Variants in ZNF207 observed in about 807,000 individuals in gnomAD.
The protein encoded by ZNF207 is BUB3-interacting and GLEBS motif-containing protein ZNF207.
Under a neutral mutation model 60.2 loss-of-function variants are expected in ZNF207, and 24 were observed. The ratio of observed to expected loss-of-function variants is 0.40; its 90% confidence interval spans 0.29 to 0.56. The LOEUF (loss-of-function observed/expected upper bound fraction) is 0.56, where lower values mean the gene tolerates loss of function less well. Among genes scored for constraint, ZNF207 ranks in the 20% least tolerant of loss-of-function variants. The pLI, the probability that ZNF207 is intolerant of heterozygous loss-of-function variation, is 0.49. For synonymous variants in ZNF207, 236 were observed against 194.7 expected (o/e 1.21, Z -1.77); for missense variants, 452 against 636.6 (o/e 0.71, Z 3.12).
At position 32,369,846 on chromosome 17, in the gene ZNF207, C is replaced by G; in HGVS notation, c.*87C>G. On this transcript the variant is annotated 3_prime_UTR_variant, in exon 12 of 12. Transcript: ENST00000394670. ...TATAGCCAAGCTTCCGTCAATAAGG[C>G]TTCATTGTGACTTTAACAAACATTA... The G allele has an allele frequency of 7.7e-7, 1 of 1,299,972 alleles. No individual in the cohort carries two copies. Among genetic ancestry groups the G allele is most frequent in the East Asian group, 2.7e-5 (1 of 36,808 alleles). 80.5% of individuals were successfully genotyped at this position (1,299,972 alleles called of 1,614,324 possible). A position where few individuals can be genotyped will look rare whatever the true frequency, so the allele number is the denominator to read the frequency against.
chr17:32,350,481 C>A (rs975132640), intron 1 of ZNF207, 155 bp downstream of exon 1: 7 of 941,164 alleles, frequency 7.4e-6, no homozygotes, highest in Non-Finnish European at 1.7e-6. Context: ...GGGAAGGCTT[C>A]TAGGAAAATG....
At chr17:32,361,192 C>T (rs1904862118) in intron 5 of ZNF207, 1 of 592,020 alleles carries the variant, frequency 1.7e-6, no homozygotes. Flanking sequence ...CAACCATCTA[C>T]TTCAATTGCA....
At position 32,357,339 on chromosome 17, in the gene ZNF207, ATTATTATTATTAT is replaced by A. The variant is rs1477032923; in HGVS notation, c.169-1161_169-1149del. The stretch of plus-strand genomic sequence containing the variant: ...TATTATTATTATTATTATTATTATT[ATTATTATTATTAT>A]TTTTTTTTTTTTTTGAGACAGAATC... On this transcript the variant is annotated intron_variant, in intron 2 of 11. Coordinates refer to ENST00000394670, the MANE Select transcript of ZNF207 (RefSeq NM_001098507.2). Among the ~76,000 whole-genome samples the A allele has an allele frequency of 6.5e-4, 53 of 81,900 alleles. 5 individuals carry two copies. Among genetic ancestry groups the A allele is most frequent in the African/African-American group, 2.7e-3 (43 of 16,192 alleles). 53.7% of individuals were successfully genotyped at this position (81,900 alleles called of 152,430 possible). A position where few individuals can be genotyped will look rare whatever the true frequency, so the allele number is the denominator to read the frequency against.
chr17:32,361,431 C>A, intron 5 of ZNF207, 37 bp from the exon 6 acceptor site: 1 of 1,576,436 alleles, frequency 6.3e-7, no homozygotes, highest in Non-Finnish European at 8.7e-7. Flanking sequence ...TTTTGAAAAT[C>A]ACAGTTAGAT....
chr17:32,367,297 T>C (rs1905248060), intron 9 of ZNF207, among the ~76,000 whole-genome samples: 1 of 75,500 alleles, frequency 1.3e-5, no homozygotes. Context: ...AGAATACTAC[T>C]AAAGGATGTA....
intron 2 of ZNF207, among the ~76,000 whole-genome samples, chr17:32,356,916 C>T (rs1904539172): frequency 6.6e-6 from 1 of 152,202 alleles, no homozygotes. Flanking sequence ...GGCATGGTGG[C>T]TCACCTCTGT....
chr17:32,357,843 A>C (rs1269949365), intron 2 of ZNF207, among the ~76,000 whole-genome samples: 2 of 151,152 alleles, frequency 1.3e-5, no homozygotes, highest in Non-Finnish European at 2.9e-5. Context: ...CCTCTCACGC[A>C]GGCTGGATTG....
chr17:32,367,239 T>TTATATA (rs10525886), intron 9 of ZNF207, among the ~76,000 whole-genome samples: 798 of 31,968 alleles, frequency 0.025, 34 homozygotes, highest in East Asian at 0.04. Context: ...TTGGAGGGGA[T>TTATATA]TATATATATA....
chr17:32,358,028 G>A (rs1458624292), intron 2 of ZNF207, among the ~76,000 whole-genome samples: 2 of 152,052 alleles, frequency 1.3e-5, no homozygotes, highest in Non-Finnish European at 2.9e-5. Flanking sequence ...TGATCCACCC[G>A]TCTTGGCCTC....
In ZNF207 at chr17:32,374,579, A is replaced by G. The variant is rs1286555959; in HGVS notation, c.*4820A>G. The G allele has an allele frequency of 1.3e-5, 2 of 152,168 alleles. No homozygotes were observed. The highest frequency in any genetic ancestry group is 6.5e-5 in the Admixed American group (1 of 15,270). 9.4% of individuals were successfully genotyped at this position (152,168 alleles called of 1,614,324 possible). On this transcript the variant is annotated 3_prime_UTR_variant, in exon 12 of 12. Transcript: ENST00000394670. ...TGTTAAGGCTAAAAGGTCATCTGGA[A>G]ATGCTTAATTTTAAAATATTTTCAA... is the stretch of plus-strand genomic sequence containing the variant.
At position 32,376,725 on chromosome 17, in the gene ZNF207, A is replaced by G. The variant is rs928538779; in HGVS notation, c.*6966A>G. On this transcript the variant is annotated 3_prime_UTR_variant, in exon 12 of 12. Transcript: ENST00000394670. ...TTGATGGTTAGGTTCTTTAAGAGGC[A>G]TACAATCCGTTATGAGAATGTTTAT... The G allele has an allele frequency of 6.6e-6, 1 of 152,120 alleles. No homozygotes were observed. The highest frequency in any genetic ancestry group is 2.4e-5 in the African/African-American group (1 of 41,456). The allele number at this position is 152,120 out of a possible 1,614,324, so 9.4% of individuals were successfully genotyped here. A position where few individuals can be genotyped will look rare whatever the true frequency, so the allele number is the denominator to read the frequency against.
At chr17:32,356,971 C>T (rs927052315) in intron 2 of ZNF207, among the ~76,000 whole-genome samples, 5 of 152,154 alleles carry the variant, frequency 3.3e-5, no homozygotes, top group African/African-American at 1.2e-4. Context: ...CCCTTGAGTT[C>T]AGGAGTTTGA....
In ZNF207 at chr17:32,373,181, G is replaced by C. The variant is rs1905542716; in HGVS notation, c.*3422G>C. ...TCCACTAAGTTACATTTTGAACTTA[G>C]ACTCACCTTAATTAAACTTAATTAA... On this transcript the variant is annotated 3_prime_UTR_variant, in exon 12 of 12. Transcript: ENST00000394670. 1 of 419,196 alleles carries C rather than the reference G, an allele frequency of 2.4e-6. No individual in the cohort carries two copies. Among genetic ancestry groups the C allele is most frequent in the African/African-American group, 2.1e-5 (1 of 47,922 alleles). The allele number at this position is 419,196 out of a possible 1,614,324, so 26.0% of individuals were successfully genotyped here.
At chr17:32,350,363 G>A in intron 1 of ZNF207, 37 bp downstream of exon 1, 4 of 1,613,724 alleles carry the variant, frequency 2.5e-6, no homozygotes, top group Non-Finnish European at 3.4e-6. Context: ...GTCGCGTTGG[G>A]GTGCCGGTTG....
chr17:32,364,834 A>G lies in ZNF207; in HGVS notation c.671-496A>G, dbSNP rs55657799. On this transcript the variant is annotated intron_variant, in intron 7 of 11. Coordinates refer to ENST00000394670, the MANE Select transcript of ZNF207 (RefSeq NM_001098507.2). ...TATTTAGGTATTTAAAAGAATACAG[A>G]ATAATAATTGATGTTCATTTGAGAA... Among the ~76,000 whole-genome samples the G allele has an allele frequency of 7.8e-3, 1,188 of 152,326 alleles. 18 individuals carry two copies. The highest frequency in any genetic ancestry group is 0.027 in the African/African-American group (1,135 of 41,562).
chr17:32,354,982 A>G (rs1454056826), intron 2 of ZNF207, among the ~76,000 whole-genome samples: 2 of 152,186 alleles, frequency 1.3e-5, no homozygotes, highest in African/African-American at 4.8e-5. Flanking sequence ...CGGTGAGACC[A>G]CTTTAGAAGA....
chr17:32,352,459 G>A (rs2041525406), intron 2 of ZNF207, among the ~76,000 whole-genome samples: 1 of 152,176 alleles, frequency 6.6e-6, no homozygotes, highest in Non-Finnish European at 1.5e-5. Flanking sequence ...TAGTTTGATA[G>A]TACCTTACTA....
intron 2 of ZNF207, among the ~76,000 whole-genome samples, chr17:32,354,100 T>A (rs1056688115): frequency 3.3e-5 from 5 of 152,064 alleles, no homozygotes; most frequent in Non-Finnish European, 5.9e-5. Context: ...CTTAGCCTCC[T>A]GAGTACCTGG....
rs1045797534 is a variant in ZNF207, at chr17:32,374,617, T to A, written c.*4858T>A. The A allele has an allele frequency of 6.6e-6, 1 of 152,212 alleles. No homozygotes were observed. Among genetic ancestry groups the A allele is most frequent in the African/African-American group, 2.4e-5 (1 of 41,468 alleles). The allele number at this position is 152,212 out of a possible 1,614,324, so 9.4% of individuals were successfully genotyped here. A position where few individuals can be genotyped will look rare whatever the true frequency, so the allele number is the denominator to read the frequency against. On this transcript the variant is annotated 3_prime_UTR_variant, in exon 12 of 12. Transcript: ENST00000394670. ...AAAATATTTTCAAGCCTCACCACATTAGAGCAAATGTTAATGTAGAGCCCT... is the reference window on the plus strand; with the variant it reads ...AAAATATTTTCAAGCCTCACCACATAAGAGCAAATGTTAATGTAGAGCCCT...
Sources: allele counts gnomAD v4.1 joint callset (sites outside exome capture counted in the v4.1 genomes callset), GRCh38; gene constraint gnomAD v4.1.1; transcripts MANE v1.5; gene names NCBI Gene and HGNC (gene_info 2026-07-23, HGNC 2026-07-21).